Variants in WDR7 observed in about 807,000 individuals in gnomAD.
The protein encoded by WDR7 is WD repeat domain 7.
In WDR7, 46 loss-of-function variants were observed where a neutral mutation model predicts 169.4. That is an observed-to-expected ratio of 0.27 (90% CI 0.21 to 0.35). The LOEUF (loss-of-function observed/expected upper bound fraction) is 0.35, where lower values mean the gene tolerates loss of function less well. Among genes scored for constraint, WDR7 ranks in the 10% least tolerant of loss-of-function variants. The pLI is 1.00. For synonymous variants in WDR7, 612 were observed against 666.8 expected (o/e 0.92, Z 1.27); for missense variants, 1,534 against 1,859.3 (o/e 0.83, Z 3.22).
At chr18:56,675,149 G>A (rs1745276756) in intron 2 of WDR7, among the ~76,000 whole-genome samples, 1 of 152,114 alleles carries the variant, frequency 6.6e-6, no homozygotes, top group Admixed American at 6.5e-5. Context: ...ATCCAGATAT[G>A]TGAGTCCTCC....
chr18:56,690,525 T>C (rs566605319), intron 7 of WDR7, among the ~76,000 whole-genome samples: 1 of 152,132 alleles, frequency 6.6e-6, no homozygotes, highest in Non-Finnish European at 1.5e-5. Flanking sequence ...TTAGAAATGT[T>C]GCTACTGGGC....
At chr18:56,892,104 C>A (rs2046272098) in intron 21 of WDR7, among the ~76,000 whole-genome samples, 1 of 152,060 alleles carries the variant, frequency 6.6e-6, no homozygotes, top group East Asian at 1.9e-4. Flanking sequence ...AATTTGCAAC[C>A]ATTTTTTGTT....
chr18:56,854,868 G>A (rs2045695255), intron 20 of WDR7, among the ~76,000 whole-genome samples: 1 of 152,124 alleles, frequency 6.6e-6, no homozygotes, highest in Non-Finnish European at 1.5e-5. Context: ...GTTTTCTGAG[G>A]GCTGCTTCTG....
intron 26 of WDR7, among the ~76,000 whole-genome samples, chr18:57,018,005 C>CA (rs2048231068): frequency 6.6e-6 from 1 of 152,192 alleles, no homozygotes; most frequent in Non-Finnish European, 1.5e-5. Context: ...ACTACTTTTA[C>CA]AAAAAGCTAA....
intron 16 of WDR7, among the ~76,000 whole-genome samples, chr18:56,765,501 G>A (rs1423830554): frequency 6.6e-6 from 1 of 151,820 alleles, no homozygotes; most frequent in Admixed American, 6.6e-5. Flanking sequence ...TAATATAAAT[G>A]TTAAACCTTA....
chr18:56,681,233 T>G, intron 3 of WDR7, 80 bp from the exon 4 acceptor site: 1 of 969,142 alleles, frequency 1.0e-6, no homozygotes, highest in Non-Finnish European at 1.6e-6. Flanking sequence ...TAATGGAAGA[T>G]TAATTTTAAA....
intron 26 of WDR7, among the ~76,000 whole-genome samples, chr18:57,001,027 A>G (rs1285247731): frequency 6.9e-6 from 1 of 145,558 alleles, no homozygotes; most frequent in Non-Finnish European, 1.5e-5. Flanking sequence ...GTGTAAAACC[A>G]TGAGACCCCA....
At chr18:56,735,953 G>C (rs80232968) in intron 14 of WDR7, among the ~76,000 whole-genome samples, 2,132 of 152,228 alleles carry the variant, frequency 0.014, 41 homozygotes, top group African/African-American at 0.047. Flanking sequence ...TATCACGATC[G>C]TAAGTACAGT....
At chr18:56,786,031 A>G (rs1423048721) in intron 19 of WDR7, among the ~76,000 whole-genome samples, 3 of 152,096 alleles carry the variant, frequency 2.0e-5, no homozygotes, top group Non-Finnish European at 2.9e-5. Context: ...TGCATAATAC[A>G]AGTACAGAAC....
At chr18:56,975,611 T>C (rs971950469) in intron 26 of WDR7, among the ~76,000 whole-genome samples, 2 of 152,160 alleles carry the variant, frequency 1.3e-5, no homozygotes, top group African/African-American at 4.8e-5. Flanking sequence ...AGCCCTCTTT[T>C]TTTATGTTTT....
intron 19 of WDR7, among the ~76,000 whole-genome samples, chr18:56,805,877 A>G (rs1300242665): frequency 1.2e-4 from 19 of 152,070 alleles, no homozygotes; most frequent in Non-Finnish European, 4.4e-5. Context: ...TCTAGCCTCA[A>G]ATGTTTTATT....
At chr18:56,756,431 G>T in intron 14 of WDR7, 152 bp from the exon 15 acceptor site, 1 of 648,756 alleles carries the variant, frequency 1.5e-6, no homozygotes, top group East Asian at 2.9e-5. Flanking sequence ...GCTGCTGATT[G>T]GCAAAGTTAG....
At chr18:56,926,116 T>C (rs895566914) in intron 22 of WDR7, among the ~76,000 whole-genome samples, 3 of 152,206 alleles carry the variant, frequency 2.0e-5, no homozygotes, top group African/African-American at 7.2e-5. Flanking sequence ...CAGTTTAGCA[T>C]AATGGTAGGC....
At position 57,028,427 on chromosome 18, in the gene WDR7, A is replaced by C. The variant is rs2048400502; in HGVS notation, c.*1220A>C. On this transcript the variant is annotated 3_prime_UTR_variant, in exon 28 of 28. Coordinates refer to ENST00000254442, the MANE Select transcript of WDR7 (RefSeq NM_015285.3). ...TAGCTCATAATAATGAAAAAAATAG[A>C]ATTATATTTTGTATGAATTGTTTCT... is the stretch of plus-strand genomic sequence containing the variant. The C allele has an allele frequency of 6.6e-6, 1 of 152,182 alleles. No individual in the cohort carries two copies. The allele number at this position is 152,182 out of a possible 1,614,324, so 9.4% of individuals were successfully genotyped here. A position where few individuals can be genotyped will look rare whatever the true frequency, so the allele number is the denominator to read the frequency against.
intron 12 of WDR7, among the ~76,000 whole-genome samples, chr18:56,717,540 A>G (rs895864214): frequency 1.3e-5 from 2 of 152,202 alleles, no homozygotes. Flanking sequence ...AGGGAAGAGC[A>G]TGGGTCTAAA....
At chr18:56,734,405 A>G (rs990373329) in intron 14 of WDR7, among the ~76,000 whole-genome samples, 3 of 152,020 alleles carry the variant, frequency 2.0e-5, no homozygotes, top group Admixed American at 6.6e-5. Flanking sequence ...TCTTCTACCT[A>G]CATCACATCA....
chr18:56,879,977 T>A lies in WDR7; in HGVS notation c.3338T>A (p.Ile1113Asn), dbSNP rs777481068. Residue 1113 changes from isoleucine to asparagine, a missense_variant, in exon 21 of 28, where the codon ATT becomes AAT. By Grantham distance (149) the Ile-to-Asn change is moderately radical. Transcript: ENST00000254442. ...CLSSVPQMKK[I>N]STSYEERRKQ... ...TCAAGTGTCCCACAAATGAAAAAAA[T>A]TTCTACATCTTACGAGGAAAGACGG... 1.9e-6 allele frequency: 3 copies of A among 1,613,950 alleles called. No individual in the cohort carries two copies. Among genetic ancestry groups the A allele is most frequent in the South Asian group, 2.2e-5 (2 of 91,060 alleles).
At position 56,976,219 on chromosome 18, in the gene WDR7, T is replaced by G. The variant is rs76261780; in HGVS notation, c.4164+13690T>G. On this transcript the variant is annotated intron_variant, in intron 26 of 27. Transcript: ENST00000254442. ...ATAGCAAGCAGATTTTGATCAACCT[T>G]AAAATACAGCATGTTAAATATATAC... Among the ~76,000 whole-genome samples the G allele has an allele frequency of 9.3e-3, 1,412 of 152,258 alleles. 20 individuals are homozygous for G. The highest frequency in any genetic ancestry group is 0.033 in the African/African-American group (1,353 of 41,534).
intron 22 of WDR7, among the ~76,000 whole-genome samples, chr18:56,925,261 C>T (rs1384777501): frequency 6.6e-6 from 1 of 152,130 alleles, no homozygotes; most frequent in East Asian, 1.9e-4. Flanking sequence ...TATTTGAACA[C>T]CTGTTTTCAT....
Sources: gnomAD v4.1 joint callset for allele counts (sites outside exome capture counted in the v4.1 genomes callset) on GRCh38, gnomAD v4.1.1 for gene constraint, MANE v1.5 for transcripts, NCBI Gene and HGNC (gene_info 2026-07-23, HGNC 2026-07-21) for gene names.